Variants in GNG7 observed in about 807,000 individuals in gnomAD.
GNG7 encodes G protein subunit gamma 7, also known as guanine nucleotide-binding protein G(I)/G(S)/G(O) subunit gamma-7.
GNG7 carries 1 observed loss-of-function variant against 4.0 expected under a neutral mutation model. The ratio of observed to expected loss-of-function variants is 0.25; its 90% CI spans 0.09 to 1.18. GNG7 has a LOEUF of 1.18. Ranked by LOEUF, GNG7 falls within the 50% of genes most tolerant of loss-of-function variation. GNG7 has a pLI of 0.50. For missense variants in GNG7, 86 were observed against 91.9 expected (o/e 0.94, Z 0.26); for synonymous variants, 34 against 36.9 (o/e 0.92, Z 0.29).
Position 2,544,599 on chromosome 19 carries a change from C to T in GNG7, c.-38+10550G>A, listed in dbSNP as rs559795166. ...AGAGATGGGGTTTCACCATGTTGGC[C>T]AGGTTGGTCTCAAACTCCTGACCTC... is the stretch of plus-strand genomic sequence containing the variant. On this transcript the variant is annotated intron_variant, in intron 3 of 4. Transcript: ENST00000382159. 8.5e-5 allele frequency among the ~76,000 whole-genome samples: 13 copies of T among 152,312 alleles called. No homozygotes were observed. The South Asian group carries it at 2.7e-3, about 32-fold the overall frequency.
At chr19:2,625,845 G>C (rs1982007232) in intron 2 of GNG7, among the ~76,000 whole-genome samples, 1 of 152,106 alleles carries the variant, frequency 6.6e-6, no homozygotes, top group South Asian at 2.1e-4. Flanking sequence ...GCCCAGGCTG[G>C]ACTGCTCACT....
chr19:2,615,454 GTTTTTTTTTTT>G (rs56036626), intron 2 of GNG7, among the ~76,000 whole-genome samples: 2 of 48,816 alleles, frequency 4.1e-5, no homozygotes, highest in Non-Finnish European at 7.6e-5. Flanking sequence ...GTCTTTTCCG[GTTTTTTTTTTT>G]TTTTTTTTTT....
intron 1 of GNG7, among the ~76,000 whole-genome samples, chr19:2,660,596 C>T (rs1983119645): frequency 6.6e-6 from 1 of 151,620 alleles, no homozygotes; most frequent in Admixed American, 6.6e-5. Context: ...AGTGAGACAC[C>T]CCCACCACCA....
chr19:2,537,878 C>CA (rs1978795759), intron 3 of GNG7, among the ~76,000 whole-genome samples: 2 of 152,100 alleles, frequency 1.3e-5, no homozygotes, highest in Non-Finnish European at 2.9e-5. Flanking sequence ...GAGTTCCAGA[C>CA]CAGCCTGGCC....
chr19:2,622,080 T>G (rs923055680), intron 2 of GNG7, among the ~76,000 whole-genome samples: 7 of 148,494 alleles, frequency 4.7e-5, no homozygotes, highest in African/African-American at 1.8e-4. Context: ...CAACTTTTTT[T>G]TTTTTTCTCT....
At chr19:2,640,981 C>A (rs1568271301) in intron 2 of GNG7, among the ~76,000 whole-genome samples, 1 of 152,192 alleles carries the variant, frequency 6.6e-6, no homozygotes, top group Non-Finnish European at 1.5e-5. Flanking sequence ...GGCCAAACTG[C>A]CATCCCTAAA....
chr19:2,563,987 G>A (rs1979824499), intron 2 of GNG7, among the ~76,000 whole-genome samples: 1 of 152,190 alleles, frequency 6.6e-6, no homozygotes, highest in Non-Finnish European at 1.5e-5. Flanking sequence ...GTTGGGTGGG[G>A]TGGGAGAAAC....
chr19:2,539,610 C>A lies in GNG7; in HGVS notation c.-38+15539G>T, dbSNP rs567361992. On this transcript the variant is annotated intron_variant, in intron 3 of 4. Transcript: ENST00000382159. ...GGGAGACACTGCGCCCGGCCATAAG[C>A]TCAATTTTAGACACATACGATATCC... 5.3e-5 allele frequency among the ~76,000 whole-genome samples: 8 copies of A among 152,176 alleles called. 1 individual carries two copies. The South Asian group carries it at 1.7e-3, about 32-fold the overall frequency.
At chr19:2,641,237 G>T (rs1982497136) in intron 2 of GNG7, among the ~76,000 whole-genome samples, 1 of 152,160 alleles carries the variant, frequency 6.6e-6, no homozygotes, top group Non-Finnish European at 1.5e-5. Context: ...GAGGAAGTCG[G>T]CTCTGCTCAC....
At chr19:2,690,117 C>A (rs1599463970) in intron 1 of GNG7, among the ~76,000 whole-genome samples, 1 of 151,910 alleles carries the variant, frequency 6.6e-6, no homozygotes, top group East Asian at 1.9e-4. Flanking sequence ...CACGGTGGCT[C>A]ACGTCTGTAA....
intron 3 of GNG7, among the ~76,000 whole-genome samples, chr19:2,529,923 G>C (rs989932818): frequency 2.0e-4 from 31 of 152,314 alleles, no homozygotes; most frequent in Middle Eastern, 3.4e-3. Flanking sequence ...GAAGATGAGA[G>C]GGCTCCTCTC....
intron 2 of GNG7, among the ~76,000 whole-genome samples, chr19:2,596,674 CAA>C (rs1034018050): frequency 1.0e-3 from 150 of 148,754 alleles, no homozygotes; most frequent in South Asian, 4.1e-3. Context: ...GTCCCCCCCC[CAA>C]AAAAAAAAGT....
chr19:2,519,800 C>T (rs1048496819), intron 4 of GNG7, among the ~76,000 whole-genome samples: 2 of 152,114 alleles, frequency 1.3e-5, no homozygotes, highest in Non-Finnish European at 2.9e-5. Context: ...CCTGGGTCTC[C>T]AGCCTGCTGG....
chr19:2,655,023 C>A (rs919183764), intron 1 of GNG7, among the ~76,000 whole-genome samples: 25 of 151,818 alleles, frequency 1.6e-4, no homozygotes, highest in African/African-American at 5.8e-4. Context: ...CCCATCTCTA[C>A]AAAAAAAATT....
At chr19:2,535,901 G>A (rs955933836) in intron 3 of GNG7, among the ~76,000 whole-genome samples, 3 of 152,116 alleles carry the variant, frequency 2.0e-5, no homozygotes, top group Non-Finnish European at 4.4e-5. Context: ...CAAGGTGGGA[G>A]GGTCACTTGA....
intron 1 of GNG7, among the ~76,000 whole-genome samples, chr19:2,684,577 C>T (rs571215278): frequency 6.6e-6 from 1 of 152,288 alleles, no homozygotes; most frequent in African/African-American, 2.4e-5. Flanking sequence ...ACACAGGCCA[C>T]GATGAGGATG....
intron 2 of GNG7, among the ~76,000 whole-genome samples, chr19:2,592,109 A>G (rs1980864890): frequency 6.6e-6 from 1 of 152,216 alleles, no homozygotes. Flanking sequence ...ATATTTAGAC[A>G]AGGTCAAAAG....
intron 4 of GNG7, among the ~76,000 whole-genome samples, chr19:2,519,053 C>T (rs964017586): frequency 2.0e-5 from 3 of 151,300 alleles, no homozygotes; most frequent in African/African-American, 7.3e-5. Flanking sequence ...ACCTCAGCCT[C>T]CCAAAGTGCT....
chr19:2,543,764 TCCAGTCTGCTCATCAAAGCAGAG>T (rs1182428219), intron 3 of GNG7, among the ~76,000 whole-genome samples: 4 of 152,200 alleles, frequency 2.6e-5, no homozygotes, highest in Admixed American at 2.6e-4. Flanking sequence ...GCTGCGCTTT[TCCAGTCTGCTCATCAAAGCAGAG>T]CCAGCCTTGT....
Sources: allele counts gnomAD v4.1 joint callset (sites outside exome capture counted in the v4.1 genomes callset), GRCh38; gene constraint gnomAD v4.1.1; transcripts MANE v1.5; gene names NCBI Gene and HGNC (gene_info 2026-07-23, HGNC 2026-07-21).